The following MYO9A variants were observed in gnomAD, a reference collection of about 807,000 sequenced individuals.
The protein encoded by MYO9A is unconventional myosin-IXa.
MYO9A carries 103 observed loss-of-function variants against 293.3 expected under a neutral mutation model. The ratio of observed to expected loss-of-function variants is 0.35; its 90% CI spans 0.30 to 0.41. The LOEUF is 0.41. Among genes scored for constraint, MYO9A ranks in the 10% least tolerant of loss-of-function variants. The pLI is 1.00. For missense variants in MYO9A, 2,685 were observed against 3,033.0 expected, an observed-to-expected ratio of 0.89 and a Z score of 2.69; for synonymous variants, 1,001 against 1,035.7, an observed-to-expected ratio of 0.97 and a Z score of 0.64.
chr15:72,092,142 C>T (rs7172309), intron 1 of MYO9A, among the ~76,000 whole-genome samples: 30,427 of 152,130 alleles, frequency 0.2, 3,289 homozygotes, highest in East Asian at 0.41. Context: ...CTGACAGAAG[C>T]CAAACTCAGG....
chr15:71,893,089 C>T lies in MYO9A; in HGVS notation c.5142+590G>A. ...ATCGTAATCATCTTCCTCTGTATCCCCCTCCCCATCGGCAAAAGTACCTCT... is the reference window on the plus strand; with the variant it reads ...ATCGTAATCATCTTCCTCTGTATCCTCCTCCCCATCGGCAAAAGTACCTCT... On this transcript the variant is annotated intron_variant, in intron 26 of 41. Coordinates refer to ENST00000356056, the MANE Select transcript of MYO9A (RefSeq NM_006901.4). The T allele has an allele frequency of 2.3e-6, 3 of 1,290,028 alleles. No individual in the cohort carries two copies. In the South Asian group the frequency reaches 3.7e-5, roughly 16 times the overall value. The allele number at this position is 1,290,028 out of a possible 1,614,324, so 79.9% of individuals were successfully genotyped here.
chr15:71,994,578 G>A lies in MYO9A; in HGVS notation c.1478C>T (p.Thr493Ile). 6.3e-7 allele frequency: 1 copy of A among 1,586,874 alleles called. No homozygotes were observed. Among genetic ancestry groups the A allele is most frequent in the South Asian group, 1.2e-5 (1 of 85,864 alleles). ...AGACTTAGCCATGGAGTTCCTCACT[G>A]TCACAGCCTGAAAAACAAAAGCATT... Reference protein sequence around the residue: ...ILPYKLAEAVTVRNSMAKSLY... With the variant: ...ILPYKLAEAVIVRNSMAKSLY... Residue 493 changes from threonine to isoleucine, a missense_variant, in exon 10 of 42, where the codon ACA becomes ATA. Thr to Ile is a moderately conservative substitution (Grantham distance 89). This residue lies in a region of MYO9A where 289 missense variants were observed against 456.8 expected (regional missense o/e 0.63). Transcript: ENST00000356056.
rs57267628 is a variant in MYO9A at position 72,008,436 on chromosome 15, GGTGTGTGTGT to G, written c.1254-494_1254-485del. On this transcript the variant is annotated intron_variant, in intron 7 of 41. Transcript: ENST00000356056. ...CATAGTATGGTGTTTGAGGTAAATG[GGTGTGTGTGT>G]GTGTGTGTGTGTGTGTGTGTGTGTG... Among the ~76,000 whole-genome samples, 689 of 138,828 alleles carry G rather than the reference GGTGTGTGTGT, an allele frequency of 5.0e-3. 4 individuals are homozygous for G. The highest frequency in any genetic ancestry group is 6.7e-3 in the Non-Finnish European group (429 of 63,972). 91.1% of individuals were successfully genotyped at this position (138,828 alleles called of 152,430 possible).
At position 71,883,574 on chromosome 15, in the gene MYO9A, C is replaced by T. The variant is rs768126004; in HGVS notation, c.5398+20G>A. 1 of 1,600,110 alleles carries T rather than the reference C, an allele frequency of 6.2e-7. No homozygotes were observed. Among genetic ancestry groups the T allele is most frequent in the South Asian group, 1.1e-5 (1 of 88,142 alleles). ...GAACAGAAATTATGAACACAAGTTCCACCCTTTGGTCACTTTTACCATCTG... is the reference window on the plus strand; with the variant it reads ...GAACAGAAATTATGAACACAAGTTCTACCCTTTGGTCACTTTTACCATCTG... On this transcript the variant is annotated intron_variant, in intron 28 of 41. Transcript: ENST00000356056.
intron 19 of MYO9A, 105 bp downstream of exon 19, chr15:71,916,265 C>T: frequency 3.8e-6 from 5 of 1,332,446 alleles, no homozygotes; most frequent in Non-Finnish European, 5.0e-6. Flanking sequence ...TTTTTAGTCA[C>T]ATAAATTAAA....
chr15:71,901,144 G>A (rs2057470906), intron 23 of MYO9A, 47 bp downstream of exon 23: 2 of 1,555,964 alleles, frequency 1.3e-6, no homozygotes, highest in Non-Finnish European at 8.7e-7. Context: ...CTAAACAAAG[G>A]CCAAATAAAC....
intron 19 of MYO9A, among the ~76,000 whole-genome samples, chr15:71,913,963 C>T (rs2057934808): frequency 6.6e-6 from 1 of 152,156 alleles, no homozygotes; most frequent in Non-Finnish European, 1.5e-5. Context: ...GTTAGGTCTA[C>T]AGGATTTAGG....
intron 36 of MYO9A, 108 bp from the exon 37 acceptor site, chr15:71,851,466 T>A: frequency 1.3e-6 from 1 of 757,380 alleles, no homozygotes; most frequent in Non-Finnish European, 2.1e-6. Flanking sequence ...GTTTTAGGAG[T>A]AGTTGTACCT....
intron 32 of MYO9A, among the ~76,000 whole-genome samples, chr15:71,864,199 C>A (rs545986601): frequency 6.6e-6 from 1 of 152,068 alleles, no homozygotes; most frequent in Non-Finnish European, 1.5e-5. Flanking sequence ...TCAAAGAAGC[C>A]GTTCAAATGG....
In MYO9A at chr15:71,980,794, C is replaced by T. The variant is rs548972895; in HGVS notation, c.1723-2502G>A. 9.2e-5 allele frequency among the ~76,000 whole-genome samples: 14 copies of T among 152,268 alleles called. No individual in the cohort carries two copies. The East Asian group carries it at 1.7e-3, about 19-fold the overall frequency. ...TCAAGTCTGCAGTGAGCTATGATTG[C>T]GCCACTGCACTCCACCCTGGGCTGC... On this transcript the variant is annotated intron_variant, in intron 11 of 41. Coordinates refer to ENST00000356056, the MANE Select transcript of MYO9A (RefSeq NM_006901.4).
intron 1 of MYO9A, among the ~76,000 whole-genome samples, chr15:72,081,243 T>G (rs1391460516): frequency 6.6e-6 from 1 of 152,220 alleles, no homozygotes; most frequent in Non-Finnish European, 1.5e-5. Flanking sequence ...TTTTGACTTT[T>G]TAATAATAGT....
chr15:72,096,364 A>T (rs2080065205), intron 1 of MYO9A, among the ~76,000 whole-genome samples: 1 of 152,042 alleles, frequency 6.6e-6, no homozygotes. Context: ...AATTACACTA[A>T]ATCTACTTTG....
intron 13 of MYO9A, among the ~76,000 whole-genome samples, chr15:71,961,779 G>C (rs1454485507): frequency 6.6e-6 from 1 of 152,032 alleles, no homozygotes; most frequent in Non-Finnish European, 1.5e-5. Flanking sequence ...AGTGCAGTTG[G>C]CACCATCATA....
chr15:72,097,667 T>A (rs115922607), intron 1 of MYO9A, among the ~76,000 whole-genome samples: 2,088 of 152,210 alleles, frequency 0.014, 61 homozygotes, highest in Admixed American at 0.058. Flanking sequence ...ATTTAAAAAC[T>A]GGGAGGCCAA....
chr15:71,900,940 C>A (rs1217655549), intron 23 of MYO9A, among the ~76,000 whole-genome samples: 1 of 152,204 alleles, frequency 6.6e-6, no homozygotes, highest in Non-Finnish European at 1.5e-5. Context: ...AGCCCCTACA[C>A]AGATCTCACA....
At chr15:71,983,036 T>C (rs2076314929) in intron 11 of MYO9A, among the ~76,000 whole-genome samples, 1 of 152,176 alleles carries the variant, frequency 6.6e-6, no homozygotes, top group South Asian at 2.1e-4. Context: ...ATTTAAAATG[T>C]CTCTCATAAG....
intron 11 of MYO9A, among the ~76,000 whole-genome samples, chr15:71,986,768 A>T (rs2076417634): frequency 6.6e-6 from 1 of 152,226 alleles, no homozygotes; most frequent in African/African-American, 2.4e-5. Flanking sequence ...TACAAAAGTC[A>T]AAAAGTTAAA....
At chr15:72,105,718 G>A (rs557388731) in intron 1 of MYO9A, among the ~76,000 whole-genome samples, 54 of 152,150 alleles carry the variant, frequency 3.5e-4, no homozygotes, top group African/African-American at 9.9e-4. Flanking sequence ...TGTTGGTCAG[G>A]CTGGTCTTGA....
intron 16 of MYO9A, among the ~76,000 whole-genome samples, chr15:71,937,712 A>G (rs1261864252): frequency 1.3e-5 from 2 of 152,166 alleles, no homozygotes; most frequent in African/African-American, 4.8e-5. Flanking sequence ...AATGGAAAGT[A>G]CAAAGAAAGA....
Sources: allele counts gnomAD v4.1 joint callset (sites outside exome capture counted in the v4.1 genomes callset), GRCh38; gene constraint gnomAD v4.1.1; regional missense constraint gnomAD v4.1.1; transcripts MANE v1.5; gene names NCBI Gene and HGNC (gene_info 2026-07-23, HGNC 2026-07-21).